CCDC42: variants seen among roughly 807,000 people sequenced by gnomAD.
The protein encoded by CCDC42 is coiled-coil domain containing 42.
CCDC42 carries 38 observed loss-of-function variants against 40.8 expected under a neutral mutation model. The ratio of observed to expected loss-of-function variants is 0.93; its 90% confidence interval spans 0.72 to 1.22. The LOEUF (loss-of-function observed/expected upper bound fraction) is 1.22. CCDC42 is among the 50% of genes most tolerant of loss of function. CCDC42 has a pLI of 0.00. For synonymous variants in CCDC42, 135 were observed against 157.5 expected (o/e 0.86, Z 1.07); for missense variants, 379 against 416.5 (o/e 0.91, Z 0.78).
At chr17:8,732,758 G>A (rs1454345939) in intron 6 of CCDC42, among the ~76,000 whole-genome samples, 1 of 152,164 alleles carries the variant, frequency 6.6e-6, no homozygotes, top group Non-Finnish European at 1.5e-5. Flanking sequence ...AGTCTATGGA[G>A]TCCTTTTATT....
At position 8,735,696 on chromosome 17, in the gene CCDC42, G is replaced by A. The variant is rs1232039411; in HGVS notation, c.493-85C>T. On this transcript the variant is annotated intron_variant, in intron 4 of 6. Transcript: ENST00000293845. The surrounding 1 kb of genome is among the most constrained non-coding windows in gnomAD (Gnocchi z 4.7). Reference sequence around the variant, plus strand: ...AGTCCTGCCAACCTCCAGCCTGGATGCCTGGACACCTGGACACCTGGGCAG... The same window carrying A: ...AGTCCTGCCAACCTCCAGCCTGGATACCTGGACACCTGGACACCTGGGCAG... 1.7e-6 allele frequency: 2 copies of A among 1,189,880 alleles called. No individual in the cohort carries two copies. The highest frequency in any genetic ancestry group is 4.7e-5 in the Admixed American group (2 of 42,242). 73.7% of individuals were successfully genotyped at this position (1,189,880 alleles called of 1,614,324 possible).
Position 8,741,677 on chromosome 17 carries a change from GC to G in CCDC42, c.295-7del. On this transcript the variant is annotated splice_polypyrimidine_tract_variant and splice_region_variant and intron_variant, in intron 3 of 6. Transcript: ENST00000293845. ...ATCCGTTTCTGGTCGTTCTCCTGGG[GC>G]CCGGGGAGGTGGCGCTGGTCAGGAA... The G allele has an allele frequency of 6.2e-7, 1 of 1,611,306 alleles. No homozygotes were observed. Among genetic ancestry groups the G allele is most frequent in the Non-Finnish European group, 8.5e-7 (1 of 1,179,496 alleles).
In CCDC42 at chr17:8,735,696, GC is replaced by G. The variant is rs1490727752; in HGVS notation, c.493-86del. 2 of 1,189,880 alleles carry G rather than the reference GC, an allele frequency of 1.7e-6. No individual in the cohort carries two copies. The highest frequency in any genetic ancestry group is 2.4e-5 in the Admixed American group (1 of 42,242). 73.7% of individuals were successfully genotyped at this position (1,189,880 alleles called of 1,614,324 possible). A position where few individuals can be genotyped will look rare whatever the true frequency, so the allele number is the denominator to read the frequency against. On this transcript the variant is annotated intron_variant, in intron 4 of 6. Coordinates refer to ENST00000293845, the MANE Select transcript of CCDC42 (RefSeq NM_144681.3). The surrounding 1 kb of genome is among the most constrained non-coding windows in gnomAD (Gnocchi z 4.7). ...AGTCCTGCCAACCTCCAGCCTGGAT[GC>G]CTGGACACCTGGACACCTGGGCAGG...
intron 4 of CCDC42, among the ~76,000 whole-genome samples, chr17:8,737,379 G>T (rs188325373): frequency 1.7e-3 from 257 of 152,288 alleles, no homozygotes; most frequent in Non-Finnish European, 2.8e-3. Flanking sequence ...AAGTGCAAAG[G>T]ATTAAAACAT....
At chr17:8,744,448 G>T in intron 1 of CCDC42, 79 bp downstream of exon 1, 1 of 1,187,520 alleles carries the variant, frequency 8.4e-7, no homozygotes, top group Non-Finnish European at 1.2e-6. Flanking sequence ...GGGGACAGAC[G>T]GTTGGAAGAT....
chr17:8,743,781 A>C, intron 2 of CCDC42, 51 bp from the exon 3 acceptor site: 1 of 1,083,996 alleles, frequency 9.2e-7, no homozygotes, highest in East Asian at 2.4e-5. Flanking sequence ...TCCTGACATG[A>C]GTACCAAGGA....
chr17:8,740,489 CAAAAAAAAAA>C (rs750740758), intron 4 of CCDC42, among the ~76,000 whole-genome samples: 5 of 58,782 alleles, frequency 8.5e-5, no homozygotes, highest in Non-Finnish European at 9.8e-5. Flanking sequence ...AACTCCGTCT[CAAAAAAAAAA>C]AAAAAAAAAA....
chr17:8,743,566 T>C (rs2086657866), intron 3 of CCDC42, 60 bp downstream of exon 3: 1 of 957,810 alleles, frequency 1.0e-6, no homozygotes. Flanking sequence ...AGGAGTGCAG[T>C]TTGCCCACCT....
Position 8,741,481 on chromosome 17 carries a change from T to A in CCDC42, c.485A>T (p.Asn162Ile). ...FNKYLEKVVENSEFEEIHEVI... is the reference protein window; with the variant it reads ...FNKYLEKVVEISEFEEIHEVI... Reference sequence around the variant, plus strand: ...CCTGCTCCTTGGACTCACCTCGGAGTTCTCCACCACCTTCTCTAGGTACTT... The same window carrying A: ...CCTGCTCCTTGGACTCACCTCGGAGATCTCCACCACCTTCTCTAGGTACTT... The change falls in exon 4 of 7, where the codon AAC becomes ATC. Residue 162 changes from asparagine (N) to isoleucine (I), a missense_variant. Coordinates refer to ENST00000293845, the MANE Select transcript of CCDC42 (RefSeq NM_144681.3). 6.2e-7 allele frequency: 1 copy of A among 1,614,126 alleles called. No individual in the cohort carries two copies. The highest frequency in any genetic ancestry group is 1.3e-5 in the African/African-American group (1 of 75,034).
rs915065386 is a variant in CCDC42 at position 8,744,814 on chromosome 17, G to T, written c.-205C>A. On this transcript the variant is annotated 5_prime_UTR_variant, in exon 1 of 7. Transcript: ENST00000293845. Reference sequence around the variant, plus strand: ...CAGGACGATGTGCTGGGGCAGTTATGGGAGATGTGGTTACCTAGCAACAGG... The same window carrying T: ...CAGGACGATGTGCTGGGGCAGTTATTGGAGATGTGGTTACCTAGCAACAGG... The T allele has an allele frequency of 1.5e-5, 9 of 592,198 alleles. No individual in the cohort carries two copies. In the Admixed American group the frequency reaches 2.0e-4, roughly 13 times the overall value. 36.7% of individuals were successfully genotyped at this position (592,198 alleles called of 1,614,324 possible).
At position 8,744,078 on chromosome 17, in the gene CCDC42, C is replaced by A. The variant is rs80351936; in HGVS notation, c.189+1G>T. The A allele has an allele frequency of 3.1e-6, 5 of 1,609,132 alleles. No homozygotes were observed. Among genetic ancestry groups the A allele is most frequent in the Non-Finnish European group, 4.2e-6 (5 of 1,176,796 alleles). On this transcript the variant is annotated splice_donor_variant, in intron 2 of 6. Transcript: ENST00000293845. LOFTEE classifies it high-confidence loss of function. ...TCTGCACTCCATCCCTGAGTCCCCA[C>A]CTTCTTCTTCTGCACCATAGTTTGA... is the stretch of plus-strand genomic sequence containing the variant.
At chr17:8,733,619 T>C (rs1272979369) in intron 6 of CCDC42, among the ~76,000 whole-genome samples, 1 of 152,106 alleles carries the variant, frequency 6.6e-6, no homozygotes, top group Non-Finnish European at 1.5e-5. Context: ...GCCTCCCGAG[T>C]AGCTGGGATT....
chr17:8,733,178 T>C (rs1248013992), intron 6 of CCDC42, among the ~76,000 whole-genome samples: 1 of 152,230 alleles, frequency 6.6e-6, no homozygotes, highest in East Asian at 1.9e-4. Context: ...TTACTGCCCC[T>C]GTCTAAGACC....
rs769237596 is a variant in CCDC42 at position 8,735,634 on chromosome 17, A to G, written c.493-23T>C. On this transcript the variant is annotated intron_variant, in intron 4 of 6. Transcript: ENST00000293845. This position sits in a 1 kb window ranked among gnomAD's most constrained non-coding sequence, Gnocchi z 4.7. ...GAACTGTGGTCAGGGGCTCAGGTCA[A>G]TGCACAGCCAGCCCCTGGGGCCTGA... 6.3e-7 allele frequency: 1 copy of G among 1,599,180 alleles called. No homozygotes were observed. The highest frequency in any genetic ancestry group is 8.5e-7 in the Non-Finnish European group (1 of 1,169,836).
chr17:8,740,951 C>T (rs902177951), intron 4 of CCDC42, among the ~76,000 whole-genome samples: 1 of 152,146 alleles, frequency 6.6e-6, no homozygotes, highest in Admixed American at 6.5e-5. Context: ...AAGCACCAAC[C>T]CCGGGGCCCA....
At position 8,735,587 on chromosome 17, in the gene CCDC42, C is replaced by T. The variant is rs1341946783; in HGVS notation, c.517G>A (p.Ala173Thr). The change falls in exon 5 of 7, where the codon GCA becomes ACA. Residue 173 changes from alanine (A) to threonine (T), a missense_variant. Ala to Thr is a moderately conservative substitution (Grantham distance 58). Coordinates refer to ENST00000293845, the MANE Select transcript of CCDC42 (RefSeq NM_144681.3). This position sits in a 1 kb window ranked among gnomAD's most constrained non-coding sequence, Gnocchi z 4.7. ...SEFEEIHEVI[A>T]RYKTLVSMRH... is the part of the protein sequence containing the mutation. ...ATGCTCACCAGCGTCTTGTAGCGTG[C>T]AATCACCTCATGGATCTCCTCGAAC... 2 of 1,614,000 alleles carry T rather than the reference C, an allele frequency of 1.2e-6. No homozygotes were observed. Among genetic ancestry groups the T allele is most frequent in the South Asian group, 2.2e-5 (2 of 91,090 alleles).
chr17:8,736,041 A>G (rs2086610171), intron 4 of CCDC42, among the ~76,000 whole-genome samples: 1 of 152,198 alleles, frequency 6.6e-6, no homozygotes, highest in African/African-American at 2.4e-5. Context: ...GCATTTTGCA[A>G]TGTCTTCCAA....
intron 4 of CCDC42, among the ~76,000 whole-genome samples, chr17:8,736,177 G>C (rs1014946630): frequency 2.6e-5 from 4 of 152,226 alleles, no homozygotes; most frequent in Non-Finnish European, 4.4e-5. Context: ...CTTACAGCTT[G>C]GGGGGTGGCA....
At chr17:8,743,811 C>T in intron 2 of CCDC42, 81 bp from the exon 3 acceptor site, 1 of 834,512 alleles carries the variant, frequency 1.2e-6, no homozygotes, top group Non-Finnish European at 2.0e-6. Flanking sequence ...CATCCCTGCC[C>T]CAGAGGCTCC....
Sources: gnomAD v4.1 joint callset for allele counts (sites outside exome capture counted in the v4.1 genomes callset) on GRCh38, gnomAD v4.1.1 for gene constraint, Gnocchi (gnomAD v3.1) non-coding constraint, MANE v1.5 for transcripts, NCBI Gene and HGNC (gene_info 2026-07-23, HGNC 2026-07-21) for gene names.